The following GLIS3 variants were observed in gnomAD, a reference collection of about 807,000 sequenced individuals.
GLIS3 encodes zinc finger protein GLIS3.
Under a neutral mutation model 78.6 loss-of-function variants are expected in GLIS3, and 53 were observed. The observed-to-expected ratio is 0.67, with a 90% CI of 0.54 to 0.85. The LOEUF is 0.85. GLIS3 is among the 40% of genes least tolerant of loss of function. GLIS3 has a pLI of 0.00. For synonymous variants in GLIS3, 684 were observed against 509.9 expected (o/e 1.34, Z -4.60); for missense variants, 1,703 against 1,231.1 (o/e 1.38, Z -5.74).
chr9:4,128,172 C>A (rs1400366124), intron 2 of GLIS3, among the ~76,000 whole-genome samples: 4 of 152,228 alleles, frequency 2.6e-5, no homozygotes, highest in African/African-American at 9.6e-5. Flanking sequence ...CTTACCCTAA[C>A]TTATCCACCT....
chr9:4,451,052 G>C, the GLIS3 span, among the ~76,000 whole-genome samples: 1 of 152,166 alleles, frequency 6.6e-6, no homozygotes, highest in Non-Finnish European at 1.5e-5. Context: ...GCAAGTACTG[G>C]CATATTGGAT....
the GLIS3 span, among the ~76,000 whole-genome samples, chr9:4,461,693 A>C: frequency 3.3e-5 from 5 of 152,152 alleles, no homozygotes; most frequent in African/African-American, 1.2e-4. Context: ...TTTGGGGTAA[A>C]GCCTTAAGAA....
At chr9:4,310,043 T>G (rs1287762138) in intron 3 of GLIS3, among the ~76,000 whole-genome samples, 1 of 152,200 alleles carries the variant, frequency 6.6e-6, no homozygotes, top group Non-Finnish European at 1.5e-5. Context: ...CTATGACCAA[T>G]TTATCCTGAG....
At chr9:4,371,672 T>C in the GLIS3 span, among the ~76,000 whole-genome samples, 1 of 152,110 alleles carries the variant, frequency 6.6e-6, no homozygotes, top group African/African-American at 2.4e-5. Context: ...CCCTGCCTCA[T>C]CTCTCTCACT....
chr9:3,978,132 G>A (rs933771249), intron 4 of GLIS3, among the ~76,000 whole-genome samples: 3 of 152,270 alleles, frequency 2.0e-5, no homozygotes, highest in Non-Finnish European at 4.4e-5. Flanking sequence ...CCATTTAACT[G>A]TGGACACTCC....
chr9:4,179,508 T>A (rs923966254), intron 2 of GLIS3, among the ~76,000 whole-genome samples: 1 of 152,168 alleles, frequency 6.6e-6, no homozygotes, highest in Admixed American at 6.6e-5. Context: ...TCCGTTTAGA[T>A]GATACATTAT....
chr9:4,076,277 C>G (rs1463095091), intron 4 of GLIS3, among the ~76,000 whole-genome samples: 1 of 152,124 alleles, frequency 6.6e-6, no homozygotes, highest in Non-Finnish European at 1.5e-5. Context: ...TATAAATTTA[C>G]CACGGAGTAA....
intron 8 of GLIS3, among the ~76,000 whole-genome samples, chr9:3,876,053 GT>G (rs1821287640): frequency 6.6e-6 from 1 of 152,086 alleles, no homozygotes; most frequent in Non-Finnish European, 1.5e-5. Context: ...TATCTACTTA[GT>G]TTATTTAATC....
chr9:4,103,258 T>A (rs887735759), intron 4 of GLIS3, among the ~76,000 whole-genome samples: 8 of 152,176 alleles, frequency 5.3e-5, no homozygotes, highest in African/African-American at 1.9e-4. Context: ...ACAGACTCAT[T>A]AGGCTTCGTT....
At position 3,898,709 on chromosome 9, in the gene GLIS3, C is replaced by G. The variant is rs886063953; in HGVS notation, c.2110G>C (p.Gly704Arg). 6.2e-7 allele frequency: 1 copy of G among 1,614,104 alleles called. No homozygotes were observed. Among genetic ancestry groups the G allele is most frequent in the Non-Finnish European group, 8.5e-7 (1 of 1,180,014 alleles). Reference sequence around the variant, plus strand: ...TCTTTACCTGAATAGAGGTCAGGCCCGGGTCCAGGGGAGCGTCCCACGGTC... The same window carrying G: ...TCTTTACCTGAATAGAGGTCAGGCCGGGGTCCAGGGGAGCGTCCCACGGTC... ...EGTVGRSPGP[G>R]PDLYSAPIFS... Residue 704 changes from glycine (G) to arginine (R), a missense_variant, in exon 7 of 11, where the codon GGG (glycine) becomes CGG (arginine). Coordinates refer to ENST00000381971, the MANE Select transcript of GLIS3 (RefSeq NM_001042413.2).
chr9:4,292,956 C>T (rs1298048734), intron 1 of GLIS3, among the ~76,000 whole-genome samples: 1 of 152,188 alleles, frequency 6.6e-6, no homozygotes. Context: ...ACCTGAACTG[C>T]AAACACTGAA....
At chr9:4,012,421 G>C (rs1031145237) in intron 4 of GLIS3, among the ~76,000 whole-genome samples, 1 of 151,942 alleles carries the variant, frequency 6.6e-6, no homozygotes, top group Non-Finnish European at 1.5e-5. Flanking sequence ...TTTTTTACCT[G>C]TATCAGGGGA....
intron 4 of GLIS3, among the ~76,000 whole-genome samples, chr9:4,077,420 G>C (rs890941042): frequency 6.6e-6 from 1 of 152,154 alleles, no homozygotes; most frequent in African/African-American, 2.4e-5. Context: ...AGACAGGAGA[G>C]GGACTGGGCA....
At chr9:4,076,087 A>T (rs367858550) in intron 4 of GLIS3, among the ~76,000 whole-genome samples, 23 of 152,286 alleles carry the variant, frequency 1.5e-4, no homozygotes, top group East Asian at 1.2e-3. Context: ...ATTTCATGGA[A>T]CTTTATATTT....
chr9:3,939,001 C>T (rs1826050698), intron 4 of GLIS3, among the ~76,000 whole-genome samples: 1 of 152,186 alleles, frequency 6.6e-6, no homozygotes, highest in Non-Finnish European at 1.5e-5. Context: ...GTTTATTTGA[C>T]TTGGAATCAC....
intron 5 of GLIS3, among the ~76,000 whole-genome samples, chr9:3,933,310 G>T (rs1311657660): frequency 1.3e-5 from 2 of 152,098 alleles, no homozygotes. Flanking sequence ...TGAGTAGCTG[G>T]GATTAAAGGT....
At chr9:4,484,754 C>T in the GLIS3 span, among the ~76,000 whole-genome samples, 2 of 151,960 alleles carry the variant, frequency 1.3e-5, no homozygotes, top group Non-Finnish European at 2.9e-5. Context: ...TATAGTTTAA[C>T]CTTAAAGTAA....
In GLIS3 at chr9:4,253,506, G is replaced by A. The variant is rs554818072; in HGVS notation, c.388+32532C>T. On this transcript the variant is annotated intron_variant, in intron 2 of 10. Coordinates refer to ENST00000381971, the MANE Select transcript of GLIS3 (RefSeq NM_001042413.2). The stretch of plus-strand genomic sequence containing the variant: ...TTGACTTCAGACTGCTGTGCTGACA[G>A]TGACAATTTGAAGCCAGTGGATCTT... Among the ~76,000 whole-genome samples, 40 of 152,382 alleles carry A rather than the reference G, an allele frequency of 2.6e-4. 1 individual carries two copies. The highest frequency in any genetic ancestry group is 8.4e-4 in the African/African-American group (35 of 41,598).
chr9:3,994,858 A>G (rs1212143511), intron 4 of GLIS3, among the ~76,000 whole-genome samples: 1 of 152,180 alleles, frequency 6.6e-6, no homozygotes, highest in Admixed American at 6.5e-5. Flanking sequence ...TTTTTAATGC[A>G]TGGCTGCCCT....
Sources: gnomAD v4.1 joint callset for allele counts (sites outside exome capture counted in the v4.1 genomes callset) on GRCh38, gnomAD v4.1.1 for gene constraint, MANE v1.5 for transcripts, NCBI Gene and HGNC (gene_info 2026-07-23, HGNC 2026-07-21) for gene names.